Variants in FRMPD3 observed in about 807,000 individuals in gnomAD.
The protein encoded by FRMPD3 is FERM and PDZ domain containing 3.
In FRMPD3, 42 loss-of-function variants were observed where a neutral mutation model predicts 97.9. That is an observed-to-expected ratio of 0.43 (90% CI 0.34 to 0.55). The LOEUF is 0.55. Ranked by LOEUF, FRMPD3 falls within the 20% of genes least tolerant of loss-of-function variation. The pLI, the probability that FRMPD3 is intolerant of heterozygous loss-of-function variation, is 0.03. For synonymous variants in FRMPD3, 577 were observed against 581.1 expected, an observed-to-expected ratio of 0.99 and a Z score of 0.10; for missense variants, 1,303 against 1,457.7, an observed-to-expected ratio of 0.89 and a Z score of 1.73.
intron 13 of FRMPD3, among the ~76,000 whole-genome samples, chrX:107,590,201 T>C (rs751788492): frequency 8.9e-6 from 1 of 112,445 alleles, no homozygotes; most frequent in African/African-American, 3.2e-5. Flanking sequence ...ATTGAGCTTG[T>C]ATCCTGCAAG....
chrX:107,563,075 C>T, intron 10 of FRMPD3, 36 bp from the exon 11 acceptor site: 1 of 1,121,551 alleles, frequency 8.9e-7, no homozygotes, highest in Non-Finnish European at 1.2e-6. Flanking sequence ...CTGTGCCCCT[C>T]AGGCTTCTCA....
At chrX:107,529,570 G>A (rs973912915) in intron 2 of FRMPD3, among the ~76,000 whole-genome samples, 2 of 110,670 alleles carry the variant, frequency 1.8e-5, no homozygotes, top group African/African-American at 6.6e-5. Flanking sequence ...GGGTGACAGA[G>A]TAAGACTCCA....
At chrX:107,475,751 C>T (rs982844983) in intron 1 of FRMPD3, among the ~76,000 whole-genome samples, 3 of 112,219 alleles carry the variant, frequency 2.7e-5, no homozygotes, top group Non-Finnish European at 5.6e-5. Flanking sequence ...GTTAGAACAC[C>T]GAATTCTAGG....
intron 13 of FRMPD3, among the ~76,000 whole-genome samples, chrX:107,596,658 T>G (rs1022028829): frequency 2.7e-5 from 3 of 112,077 alleles, no homozygotes; most frequent in Non-Finnish European, 5.6e-5. Flanking sequence ...ATGCTTCCCC[T>G]GCCCTCCTCC....
intron 5 of FRMPD3, among the ~76,000 whole-genome samples, chrX:107,546,479 C>T (rs185981112): frequency 2.7e-5 from 3 of 112,029 alleles, no homozygotes; most frequent in Middle Eastern, 4.6e-3. Context: ...GGTATTGTTT[C>T]GAAAGACAGG....
intron 13 of FRMPD3, among the ~76,000 whole-genome samples, chrX:107,594,793 A>C (rs1012431048): frequency 3.6e-5 from 4 of 111,525 alleles, no homozygotes; most frequent in African/African-American, 1.3e-4. Context: ...AGGCAGGAGA[A>C]TCGCTTGAAC....
At chrX:107,510,707 A>G (rs1922143473) in intron 1 of FRMPD3, among the ~76,000 whole-genome samples, 1 of 112,121 alleles carries the variant, frequency 8.9e-6, no homozygotes, top group South Asian at 3.7e-4. Flanking sequence ...GGAAGATGCA[A>G]TTAGGCAGAA....
At chrX:107,600,165 G>T in intron 14 of FRMPD3, 138 bp from the exon 15 acceptor site, 1 of 744,976 alleles carries the variant, frequency 1.3e-6, no homozygotes, top group Non-Finnish European at 1.9e-6. Flanking sequence ...TTCGTATCAG[G>T]GACTTGAGCA....
chrX:107,499,333 T>A (rs1333571929), intron 1 of FRMPD3, among the ~76,000 whole-genome samples: 1 of 112,069 alleles, frequency 8.9e-6, no homozygotes, highest in Non-Finnish European at 1.9e-5. Context: ...TATGGAAGTA[T>A]GAAAGCCTGG....
intron 4 of FRMPD3, among the ~76,000 whole-genome samples, chrX:107,534,783 ACT>A (rs1923143959): frequency 9.0e-6 from 1 of 111,469 alleles, no homozygotes; most frequent in Non-Finnish European, 1.9e-5. Context: ...TCACACGTAC[ACT>A]CACACACATA....
intron 13 of FRMPD3, 76 bp downstream of exon 13, chrX:107,576,535 TC>T: frequency 2.8e-6 from 3 of 1,074,333 alleles, no homozygotes; most frequent in Non-Finnish European, 2.5e-6. Flanking sequence ...GAAGAGCTTC[TC>T]TGCCTTAGTG....
rs768898312 is a variant in FRMPD3, at chrX:107,603,152, C to T, written c.5113C>T (p.Arg1705Cys). The part of the protein sequence containing the change: ...EVVRNYTFLL[R>C]AAEESTARNL... ...GGTGAGGAACTACACCTTCCTGCTGCGTGCAGCTGAGGAGTCCACAGCCCG... is the reference window on the plus strand; with the variant it reads ...GGTGAGGAACTACACCTTCCTGCTGTGTGCAGCTGAGGAGTCCACAGCCCG... Residue 1705 changes from arginine (R) to cysteine (C), a missense_variant, in exon 15 of 15, where the codon CGT becomes TGT. Arg to Cys is a radical substitution (Grantham distance 180). Around this residue, in one of 3 missense-constraint regions of FRMPD3, gnomAD observed 764 missense variants for 820.2 expected, o/e 0.93. Coordinates refer to ENST00000683843, the MANE Select transcript of FRMPD3 (RefSeq NM_001388459.1). 50 of 1,203,151 alleles carry T rather than the reference C, an allele frequency of 4.2e-5. No homozygotes were observed. The highest frequency in any genetic ancestry group is 5.2e-5 in the Non-Finnish European group (46 of 891,992).
Position 107,569,556 on chromosome X carries a change from C to T in FRMPD3, c.1296+4490C>T, listed in dbSNP as rs187305676. 9.7e-4 allele frequency among the ~76,000 whole-genome samples: 108 copies of T among 110,836 alleles called. 1 individual carries two copies. The East Asian group carries it at 0.026, about 27-fold the overall frequency. On this transcript the variant is annotated intron_variant, in intron 12 of 14. Transcript: ENST00000683843. ...CTGGGCTCAGTAAGAATCTACCCACCGAGCCAGTGGTGTGCTGGAGCTGGC... is the reference window on the plus strand; with the variant it reads ...CTGGGCTCAGTAAGAATCTACCCACTGAGCCAGTGGTGTGCTGGAGCTGGC...
chrX:107,513,609 T>A (rs1323724269), intron 1 of FRMPD3, among the ~76,000 whole-genome samples: 3 of 112,052 alleles, frequency 2.7e-5, no homozygotes, highest in Non-Finnish European at 5.6e-5. Context: ...CTGCATTCTC[T>A]CTCTGACTTT....
chrX:107,564,049 A>T (rs1032819753), intron 11 of FRMPD3, among the ~76,000 whole-genome samples: 1 of 112,290 alleles, frequency 8.9e-6, no homozygotes, highest in African/African-American at 3.2e-5. Flanking sequence ...AAGTGCCTAT[A>T]GACAGGCACA....
At chrX:107,563,759 C>A (rs190823164) in intron 11 of FRMPD3, among the ~76,000 whole-genome samples, 1 of 111,932 alleles carries the variant, frequency 8.9e-6, no homozygotes, top group African/African-American at 3.3e-5. Context: ...GGTTAGGCAA[C>A]CCCTGCTCTA....
chrX:107,468,458 T>G (rs1165091173), intron 1 of FRMPD3, among the ~76,000 whole-genome samples: 1 of 112,127 alleles, frequency 8.9e-6, no homozygotes, highest in Non-Finnish European at 1.9e-5. Context: ...TGTGTTTCAA[T>G]AGGGACACGT....
intron 1 of FRMPD3, among the ~76,000 whole-genome samples, chrX:107,476,484 T>C (rs1442762261): frequency 8.9e-6 from 1 of 112,153 alleles, no homozygotes; most frequent in Non-Finnish European, 1.9e-5. Context: ...TAGCTCCCGG[T>C]TGCAAACATG....
intron 2 of FRMPD3, among the ~76,000 whole-genome samples, chrX:107,527,047 A>AT (rs1448583845): frequency 1.3e-4 from 14 of 111,920 alleles, no homozygotes; most frequent in Non-Finnish European, 1.9e-4. Flanking sequence ...CAAAAAAAAA[A>AT]TGTACCTATT....
Sources: gnomAD v4.1 joint callset for allele counts (sites outside exome capture counted in the v4.1 genomes callset) on GRCh38, gnomAD v4.1.1 for gene constraint, gnomAD v4.1.1 regional missense constraint, MANE v1.5 for transcripts, NCBI Gene and HGNC (gene_info 2026-07-23, HGNC 2026-07-21) for gene names.